Variants in NFIA observed in about 807,000 individuals in gnomAD.
NFIA encodes the protein nuclear factor I A.
Under a neutral mutation model 62.8 loss-of-function variants are expected in NFIA, and 8 were observed. That is an observed-to-expected ratio of 0.13 (90% CI 0.07 to 0.23). The LOEUF is 0.23. Ranked by LOEUF, NFIA falls within the 10% of genes least tolerant of loss-of-function variation. The pLI is 1.00. For missense variants in NFIA, 410 were observed against 642.1 expected, an observed-to-expected ratio of 0.64 and a Z score of 3.91; for synonymous variants, 235 against 238.1, an observed-to-expected ratio of 0.99 and a Z score of 0.12.
At chr1:61,110,999 A>C (rs1159406578) in intron 2 of NFIA, among the ~76,000 whole-genome samples, 3 of 152,134 alleles carry the variant, frequency 2.0e-5, no homozygotes, top group Admixed American at 2.0e-4. Flanking sequence ...GAGCATCAAA[A>C]ATTAAAATAA....
intron 2 of NFIA, among the ~76,000 whole-genome samples, chr1:61,204,285 T>C (rs1173640836): frequency 1.3e-5 from 2 of 152,194 alleles, no homozygotes; most frequent in African/African-American, 4.8e-5. Context: ...TTAGTGAACT[T>C]GAGCCAGTTA....
chr1:61,377,092 A>C (rs1316627290), intron 6 of NFIA, among the ~76,000 whole-genome samples: 1 of 151,926 alleles, frequency 6.6e-6, no homozygotes, highest in African/African-American at 2.4e-5. Flanking sequence ...GTATGGTGGC[A>C]TGTGCCTGTA....
At chr1:61,418,596 T>C (rs548877390) in intron 9 of NFIA, among the ~76,000 whole-genome samples, 143 of 152,336 alleles carry the variant, frequency 9.4e-4, no homozygotes, top group Non-Finnish European at 1.9e-3. Flanking sequence ...GTTTTGTAAA[T>C]GATTCTTATT....
At chr1:61,344,403 A>G (rs1662101403) in intron 4 of NFIA, among the ~76,000 whole-genome samples, 1 of 152,240 alleles carries the variant, frequency 6.6e-6, no homozygotes, top group Non-Finnish European at 1.5e-5. Context: ...CCGGTCTTCA[A>G]ATACAAGTTC....
intron 3 of NFIA, among the ~76,000 whole-genome samples, chr1:61,318,383 CA>C (rs1178870088): frequency 2.6e-5 from 4 of 152,102 alleles, no homozygotes; most frequent in Non-Finnish European, 1.5e-5. Flanking sequence ...ATGTTCTTAG[CA>C]AAACACTCAC....
chr1:61,293,088 G>T (rs558619579), intron 3 of NFIA, among the ~76,000 whole-genome samples: 217 of 152,226 alleles, frequency 1.4e-3, no homozygotes, highest in Middle Eastern at 3.4e-3. Context: ...CATACTAACC[G>T]CATCACATTG....
intron 2 of NFIA, among the ~76,000 whole-genome samples, chr1:61,152,131 A>G (rs982633278): frequency 6.6e-6 from 1 of 152,204 alleles, no homozygotes; most frequent in African/African-American, 2.4e-5. Flanking sequence ...ATTACTCAGT[A>G]CAAAGCAAAT....
At chr1:61,338,634 C>G (rs956657314) in intron 4 of NFIA, among the ~76,000 whole-genome samples, 1 of 152,134 alleles carries the variant, frequency 6.6e-6, no homozygotes, top group Non-Finnish European at 1.5e-5. Context: ...AGAATGAACT[C>G]GGCTACAAGG....
rs566238632 is a variant in NFIA, at chr1:61,161,015, A to G, written c.559+72335A>G. On this transcript the variant is annotated intron_variant, in intron 2 of 10. Coordinates refer to ENST00000403491, the MANE Select transcript of NFIA (RefSeq NM_001134673.4). Reference sequence around the variant, plus strand: ...CTGCAACCTCTGCCTCCCAGGTTCAAGTGACTCTCCTGCCTCAGCCTCTTG... The same window carrying G: ...CTGCAACCTCTGCCTCCCAGGTTCAGGTGACTCTCCTGCCTCAGCCTCTTG... Among the ~76,000 whole-genome samples, 4 of 152,238 alleles carry G rather than the reference A, an allele frequency of 2.6e-5. No individual in the cohort carries two copies. In the South Asian group the frequency reaches 6.2e-4, roughly 24 times the overall value.
Position 61,263,286 on chromosome 1 carries a change from A to G in NFIA, c.560-14234A>G, listed in dbSNP as rs548801669. Among the ~76,000 whole-genome samples, 88 of 152,318 alleles carry G rather than the reference A, an allele frequency of 5.8e-4. 2 individuals carry two copies. The South Asian group carries it at 0.011, about 20-fold the overall frequency. ...CTTACTTTAAGGCTGTAAATCTGCA[A>G]AAAGACAGAGGTGATACTGGTATCA... is the stretch of plus-strand genomic sequence containing the variant. On this transcript the variant is annotated intron_variant, in intron 2 of 10. Coordinates refer to ENST00000403491, the MANE Select transcript of NFIA (RefSeq NM_001134673.4).
Position 61,216,363 on chromosome 1 carries a change from TA to T in NFIA, c.560-61147del, listed in dbSNP as rs149623777. On this transcript the variant is annotated intron_variant, in intron 2 of 10. Coordinates refer to ENST00000403491, the MANE Select transcript of NFIA (RefSeq NM_001134673.4). ...CTGTCATCGCCACAAACCCCTAAATTAAAAAAAAAACATGAAGAATATTCAG... is the reference window on the plus strand; with the variant it reads ...CTGTCATCGCCACAAACCCCTAAATTAAAAAAAAACATGAAGAATATTCAG... Among the ~76,000 whole-genome samples the T allele has an allele frequency of 2.7e-4, 40 of 148,556 alleles. No individual in the cohort carries two copies. In the South Asian group the frequency reaches 6.4e-3, roughly 24 times the overall value.
chr1:61,215,665 ATAAT>A (rs1653567504), intron 2 of NFIA, among the ~76,000 whole-genome samples: 1 of 152,244 alleles, frequency 6.6e-6, no homozygotes, highest in South Asian at 2.1e-4. Context: ...CTATCAAGCT[ATAAT>A]TAAATAAGGA....
At chr1:61,241,831 G>A (rs1655367142) in intron 2 of NFIA, among the ~76,000 whole-genome samples, 1 of 152,084 alleles carries the variant, frequency 6.6e-6, no homozygotes, top group Admixed American at 6.6e-5. Context: ...GGGAATACAT[G>A]AGGTGAAAAA....
intron 2 of NFIA, among the ~76,000 whole-genome samples, chr1:61,208,149 G>C (rs1490161104): frequency 6.6e-6 from 1 of 152,040 alleles, no homozygotes; most frequent in Non-Finnish European, 1.5e-5. Context: ...AGATCACTTA[G>C]GTGAACCGTT....
At chr1:61,284,893 CCCAGGAGAGACCCAGAAG>C (rs768452603) in intron 3 of NFIA, among the ~76,000 whole-genome samples, 2,641 of 152,130 alleles carry the variant, frequency 0.017, 59 homozygotes, top group Non-Finnish European at 0.021. Flanking sequence ...TGACTCTTAT[CCCAGGAGAGACCCAGAAG>C]TGCCTATTGA....
In NFIA at chr1:61,432,593, G is replaced by GTA. The variant is rs66556050; in HGVS notation, c.1512+6054_1512+6055dup. Among the ~76,000 whole-genome samples the GTA allele has an allele frequency of 3.2e-3, 460 of 145,024 alleles. 2 individuals carry two copies. The highest frequency in any genetic ancestry group is 4.9e-3 in the Non-Finnish European group (323 of 66,588). On this transcript the variant is annotated intron_variant, in intron 10 of 10. Transcript: ENST00000403491. ...CTTAGAGGGAAAAATATATATGTGT[G>GTA]TATATATATATATATATACACACAC...
chr1:61,315,599 G>A (rs545517456), intron 3 of NFIA, among the ~76,000 whole-genome samples: 1 of 152,246 alleles, frequency 6.6e-6, no homozygotes, highest in Admixed American at 6.5e-5. Flanking sequence ...ATTCAATAAA[G>A]TATCAGAATG....
intron 2 of NFIA, among the ~76,000 whole-genome samples, chr1:61,205,449 T>C (rs1040714891): frequency 6.6e-6 from 1 of 152,206 alleles, no homozygotes; most frequent in African/African-American, 2.4e-5. Flanking sequence ...TATGTCAACA[T>C]AGAGAAACTT....
rs766502903 is a variant in NFIA, at chr1:61,383,396, GCTTATATCATGGC to G, written c.1075+35_1075+47del. 8.7e-6 allele frequency: 14 copies of G among 1,612,614 alleles called. No homozygotes were observed. In the Admixed American group the frequency reaches 2.3e-4, roughly 27 times the overall value. ...CTGCTCCACAGGCACCCTTGGTTGT[GCTTATATCATGGC>G]CTTTGGACCCAAGTAGCAAAATGAG... On this transcript the variant is annotated intron_variant, in intron 7 of 10. Coordinates refer to ENST00000403491, the MANE Select transcript of NFIA (RefSeq NM_001134673.4).
Sources: allele counts gnomAD v4.1 joint callset (sites outside exome capture counted in the v4.1 genomes callset), GRCh38; gene constraint gnomAD v4.1.1; transcripts MANE v1.5; gene names NCBI Gene and HGNC (gene_info 2026-07-23, HGNC 2026-07-21).